ARHGAP26: variants seen among roughly 807,000 people sequenced by gnomAD.
The protein encoded by ARHGAP26 is Rho GTPase activating protein 26, also known as rho GTPase-activating protein 26.
Under a neutral mutation model 104.8 loss-of-function variants are expected in ARHGAP26, and 38 were observed. That is an observed-to-expected ratio of 0.36 (90% CI 0.28 to 0.48). ARHGAP26 has a LOEUF of 0.48. Ranked by LOEUF, ARHGAP26 falls within the 20% of genes least tolerant of loss-of-function variation. The probability of loss-of-function intolerance (pLI) is 0.99; values close to 1 mark genes in which losing one functional copy is unlikely to be tolerated. For synonymous variants in ARHGAP26, 341 were observed against 340.0 expected (o/e 1.00, Z -0.03); for missense variants, 704 against 947.9 (o/e 0.74, Z 3.38).
At chr5:143,022,400 C>T (rs775673507) in intron 12 of ARHGAP26, among the ~76,000 whole-genome samples, 21 of 152,176 alleles carry the variant, frequency 1.4e-4, no homozygotes, top group Non-Finnish European at 2.8e-4. Context: ...AATGTTATTG[C>T]TTAGCACAGG....
At chr5:142,842,435 C>G (rs796452801) in intron 1 of ARHGAP26, among the ~76,000 whole-genome samples, 34 of 152,248 alleles carry the variant, frequency 2.2e-4, no homozygotes, top group African/African-American at 7.5e-4. Flanking sequence ...CATTTATGCC[C>G]CCGTCTTGTG....
At chr5:143,118,955 AAGAAAG>A (rs1795816922) in intron 17 of ARHGAP26, among the ~76,000 whole-genome samples, 1 of 151,828 alleles carries the variant, frequency 6.6e-6, no homozygotes, top group African/African-American at 2.4e-5. Context: ...AAAAAAAAAA[AAGAAAG>A]AAGAAAGAAA....
chr5:143,112,997 A>G (rs760438481), intron 17 of ARHGAP26, among the ~76,000 whole-genome samples: 2 of 152,210 alleles, frequency 1.3e-5, no homozygotes, highest in East Asian at 1.9e-4. Flanking sequence ...TGCTGGATCA[A>G]TGGTAATTCT....
At chr5:142,909,619 T>G (rs1761565217) in intron 9 of ARHGAP26, among the ~76,000 whole-genome samples, 1 of 152,240 alleles carries the variant, frequency 6.6e-6, no homozygotes, top group East Asian at 1.9e-4. Context: ...AGGGGCAGGA[T>G]TGATTTATAA....
At chr5:143,067,649 C>T (rs1787690096) in intron 17 of ARHGAP26, among the ~76,000 whole-genome samples, 2 of 152,120 alleles carry the variant, frequency 1.3e-5, no homozygotes, top group South Asian at 4.1e-4. Flanking sequence ...TGATTCTCTT[C>T]AGTAGGCGGT....
intron 11 of ARHGAP26, among the ~76,000 whole-genome samples, chr5:142,992,603 A>T: frequency 6.6e-6 from 1 of 151,044 alleles, no homozygotes; most frequent in East Asian, 2.0e-4. Flanking sequence ...AATTTTTTGT[A>T]TATTTAGTAG....
intron 5 of ARHGAP26, among the ~76,000 whole-genome samples, chr5:142,888,517 T>C (rs1290318513): frequency 1.3e-5 from 2 of 152,210 alleles, no homozygotes; most frequent in Non-Finnish European, 2.9e-5. Flanking sequence ...ATTCAACTTT[T>C]AGGAACATTG....
chr5:143,192,710 G>A (rs895756137), intron 20 of ARHGAP26: 1 of 152,128 alleles, frequency 6.6e-6, no homozygotes, highest in African/African-American at 2.4e-5. Flanking sequence ...GCTAGCTTAA[G>A]GGAAAAAAAT....
intron 11 of ARHGAP26, among the ~76,000 whole-genome samples, chr5:142,979,291 T>C (rs1205036422): frequency 6.6e-6 from 1 of 152,236 alleles, no homozygotes; most frequent in East Asian, 1.9e-4. Context: ...CTGGGCGTTG[T>C]TTCTCTCCTC....
chr5:142,903,930 A>G (rs1388416779), intron 8 of ARHGAP26, among the ~76,000 whole-genome samples: 1 of 151,322 alleles, frequency 6.6e-6, no homozygotes, highest in South Asian at 2.1e-4. Flanking sequence ...ATGTTACTCT[A>G]CTCTTGGGGT....
intron 22 of ARHGAP26, chr5:143,216,752 G>A (rs971051053): frequency 6.5e-6 from 1 of 153,884 alleles, no homozygotes; most frequent in African/African-American, 2.4e-5. Flanking sequence ...AATTCCCTGA[G>A]GAGCAAAAGG....
At chr5:142,928,532 C>T (rs1359323663) in intron 10 of ARHGAP26, among the ~76,000 whole-genome samples, 2 of 152,114 alleles carry the variant, frequency 1.3e-5, no homozygotes, top group Admixed American at 6.5e-5. Flanking sequence ...GGGTGGTCAA[C>T]GTGAGCTCTC....
chr5:142,838,102 C>T (rs976715952), intron 1 of ARHGAP26, among the ~76,000 whole-genome samples: 28 of 151,994 alleles, frequency 1.8e-4, no homozygotes, highest in African/African-American at 4.8e-4. Flanking sequence ...ACTAAAAATA[C>T]GAAAATTAGC....
intron 19 of ARHGAP26, among the ~76,000 whole-genome samples, chr5:143,144,831 T>TC (rs1201744785): frequency 6.6e-6 from 1 of 152,266 alleles, no homozygotes; most frequent in Admixed American, 6.5e-5. Flanking sequence ...CCTGGAATAA[T>TC]CCTCACCTGC....
intron 12 of ARHGAP26, among the ~76,000 whole-genome samples, chr5:143,031,511 G>A (rs1266460984): frequency 6.6e-6 from 1 of 151,922 alleles, no homozygotes; most frequent in African/African-American, 2.4e-5. Context: ...TGGGAGGTAA[G>A]AAGTGGTGCC....
intron 1 of ARHGAP26, among the ~76,000 whole-genome samples, chr5:142,826,163 C>T (rs1380650517): frequency 6.6e-6 from 1 of 152,164 alleles, no homozygotes; most frequent in African/African-American, 2.4e-5. Context: ...GATATGTGAT[C>T]AAATTGTCTT....
chr5:142,955,607 A>G (rs951702206), intron 11 of ARHGAP26, among the ~76,000 whole-genome samples: 2 of 152,172 alleles, frequency 1.3e-5, no homozygotes, highest in Non-Finnish European at 2.9e-5. Flanking sequence ...TCCCGCCTCA[A>G]TCATTGTAGA....
chr5:142,836,077 G>A (rs1360221071), intron 1 of ARHGAP26, among the ~76,000 whole-genome samples: 4 of 152,188 alleles, frequency 2.6e-5, no homozygotes, highest in Admixed American at 6.5e-5. Context: ...GAATCTTCAC[G>A]TACATTGACT....
At chr5:143,165,304 G>A (rs569986354) in intron 20 of ARHGAP26, 5 of 152,350 alleles carry the variant, frequency 3.3e-5, no homozygotes, top group African/African-American at 1.2e-4. Flanking sequence ...GGCTGGGTGG[G>A]GAAGAGGGAG....
Sources: allele counts gnomAD v4.1 joint callset (sites outside exome capture counted in the v4.1 genomes callset), GRCh38; gene constraint gnomAD v4.1.1; transcripts MANE v1.5; gene names NCBI Gene and HGNC (gene_info 2026-07-23, HGNC 2026-07-21).